MREG: variants seen among roughly 807,000 people sequenced by gnomAD.
MREG encodes melanoregulin.
In MREG, 31 loss-of-function variants were observed where a neutral mutation model predicts 28.5. The ratio of observed to expected loss-of-function variants is 1.09; its 90% CI spans 0.82 to 1.47. The LOEUF (loss-of-function observed/expected upper bound fraction) is 1.47. Ranked by LOEUF, MREG falls within the 40% of genes most tolerant of loss-of-function variation. The probability of loss-of-function intolerance (pLI) is 0.00; values close to 1 mark genes in which losing one functional copy is unlikely to be tolerated. For missense variants in MREG, 256 were observed against 257.4 expected, an observed-to-expected ratio of 0.99 and a Z score of 0.04; for synonymous variants, 106 against 95.2, an observed-to-expected ratio of 1.11 and a Z score of -0.66.
At chr2:215,960,750 C>T (rs1028289217) in intron 2 of MREG, among the ~76,000 whole-genome samples, 4 of 152,014 alleles carry the variant, frequency 2.6e-5, no homozygotes, top group South Asian at 4.2e-4. Context: ...AGGAGAATGG[C>T]GTGAACCTGG....
intron 2 of MREG, among the ~76,000 whole-genome samples, chr2:215,953,331 T>A (rs1169439889): frequency 1.3e-5 from 2 of 152,214 alleles, no homozygotes; most frequent in African/African-American, 4.8e-5. Context: ...TATATTAGAA[T>A]CACCCAGGGA....
chr2:216,016,260 A>T (rs1025038681), upstream of MREG, among the ~76,000 whole-genome samples: 1 of 152,194 alleles, frequency 6.6e-6, no homozygotes, highest in Non-Finnish European at 1.5e-5. Flanking sequence ...TGGTTTTACA[A>T]AGCACACTTC....
intron 2 of MREG, among the ~76,000 whole-genome samples, chr2:215,980,865 G>GAGGGCAGGGCAGGGCAGGAC (rs1559185570): frequency 2.8e-5 from 4 of 140,980 alleles, no homozygotes; most frequent in African/African-American, 1.0e-4. Flanking sequence ...GAGGGGAGGG[G>GAGGGCAGGGCAGGGCAGGAC]AGGGCAGGGC....
Position 216,031,842 on chromosome 2 carries a change from C to G in MREG, c.-68+947G>C, listed in dbSNP as rs368577386. Among the ~76,000 whole-genome samples the G allele has an allele frequency of 3.3e-5, 5 of 152,312 alleles. No homozygotes were observed. The East Asian group carries it at 9.6e-4, about 29-fold the overall frequency. ...GATTCAATGTCTCACAGCTAAATCT[C>G]GCAGCAAGTCTTACCTACCTGAGGA... On this transcript the variant is annotated intron_variant, in intron 1 of 3. Coordinates refer to the MREG transcript ENST00000420348.
chr2:215,978,045 AG>A (rs1417226544), intron 2 of MREG, among the ~76,000 whole-genome samples: 1 of 152,188 alleles, frequency 6.6e-6, no homozygotes, highest in East Asian at 1.9e-4. Context: ...GCAGAATTGA[AG>A]GAGATAGAGA....
chr2:215,950,103 G>A (rs1692446181), intron 2 of MREG, among the ~76,000 whole-genome samples: 1 of 152,166 alleles, frequency 6.6e-6, no homozygotes, highest in Non-Finnish European at 1.5e-5. Flanking sequence ...ATCAATCCAA[G>A]GATGAGTTGC....
chr2:215,945,517 A>G, intron 4 of MREG, 54 bp downstream of exon 4: 1 of 1,581,352 alleles, frequency 6.3e-7, no homozygotes, highest in Non-Finnish European at 8.6e-7. Context: ...ATAGTTTTAA[A>G]AAGCCAAGCA....
chr2:215,948,848 T>C (rs1692388642), intron 2 of MREG, among the ~76,000 whole-genome samples: 1 of 152,088 alleles, frequency 6.6e-6, no homozygotes, highest in South Asian at 2.1e-4. Flanking sequence ...AATGAGTTAA[T>C]ACAAGTCCTT....
intron 2 of MREG, among the ~76,000 whole-genome samples, chr2:215,976,464 T>C (rs1693263411): frequency 6.6e-6 from 1 of 152,192 alleles, no homozygotes; most frequent in South Asian, 2.1e-4. Context: ...GGGGATGACA[T>C]TCAGAAATCA....
At chr2:215,996,580 T>C (rs1693881461) in intron 1 of MREG, 115 bp from the exon 2 acceptor site, 1 of 740,834 alleles carries the variant, frequency 1.3e-6, no homozygotes, top group Admixed American at 3.1e-5. Context: ...TATATAAATA[T>C]ATTGTCAAAA....
At chr2:215,999,393 T>C (rs1693953095) in intron 1 of MREG, among the ~76,000 whole-genome samples, 1 of 152,170 alleles carries the variant, frequency 6.6e-6, no homozygotes, top group Non-Finnish European at 1.5e-5. Context: ...TTTCAAGCCA[T>C]GCTCTTTGAG....
At chr2:216,014,657 A>AAT (rs1553556618), upstream of MREG, among the ~76,000 whole-genome samples, 16 of 151,982 alleles carry the variant, frequency 1.1e-4, no homozygotes, top group East Asian at 1.9e-4. Flanking sequence ...TCAAAAAAAA[A>AAT]AAAATAAAAT....
chr2:216,011,600 A>C (rs1694312609), intron 1 of MREG, among the ~76,000 whole-genome samples: 1 of 152,220 alleles, frequency 6.6e-6, no homozygotes, highest in Non-Finnish European at 1.5e-5. Flanking sequence ...GACTCATTCC[A>C]GGCAACCTGA....
At chr2:215,966,404 T>A (rs1488791739) in intron 2 of MREG, among the ~76,000 whole-genome samples, 8 of 152,266 alleles carry the variant, frequency 5.3e-5, no homozygotes, top group African/African-American at 1.9e-4. Flanking sequence ...ATTCTTTTTT[T>A]AAGACTTACA....
At chr2:215,942,516 T>C (rs1242966968), downstream of MREG, among the ~76,000 whole-genome samples, 1 of 152,198 alleles carries the variant, frequency 6.6e-6, no homozygotes, top group East Asian at 1.9e-4. Flanking sequence ...TCTCTGCCCT[T>C]TAATTTAAAG....
intron 1 of MREG, among the ~76,000 whole-genome samples, chr2:216,031,429 A>AAAAC (rs566298603): frequency 1.3e-5 from 1 of 74,564 alleles, no homozygotes; most frequent in Non-Finnish European, 2.5e-5. Flanking sequence ...AGAAAGAAAG[A>AAAAC]AAAGAAAGAA....
intron 1 of MREG, among the ~76,000 whole-genome samples, chr2:216,005,822 A>T: frequency 7.2e-6 from 1 of 138,874 alleles, no homozygotes; most frequent in Admixed American, 7.7e-5. Context: ...ATTGGAACAC[A>T]AGTTTTTAAA....
intron 2 of MREG, among the ~76,000 whole-genome samples, chr2:215,947,675 G>C (rs1245293406): frequency 6.6e-6 from 1 of 152,208 alleles, no homozygotes; most frequent in East Asian, 1.9e-4. Flanking sequence ...TTTGTAGTCA[G>C]AATAAAGTAG....
At chr2:215,948,558 T>C (rs1272016817) in intron 2 of MREG, among the ~76,000 whole-genome samples, 1 of 152,212 alleles carries the variant, frequency 6.6e-6, no homozygotes, top group Non-Finnish European at 1.5e-5. Context: ...GGCATACCTA[T>C]CTAATCCCTC....
Sources: gnomAD v4.1 joint callset for allele counts (sites outside exome capture counted in the v4.1 genomes callset) on GRCh38, gnomAD v4.1.1 for gene constraint, MANE v1.5 for transcripts, NCBI Gene and HGNC (gene_info 2026-07-23, HGNC 2026-07-21) for gene names.